GNB3: variants seen among roughly 807,000 people sequenced by gnomAD.
GNB3 encodes the protein G protein subunit beta 3, also known as guanine nucleotide-binding protein G(I)/G(S)/G(T) subunit beta-3.
Under a neutral mutation model 41.2 loss-of-function variants are expected in GNB3, and 33 were observed. That is an observed-to-expected ratio of 0.80 (90% confidence interval 0.61 to 1.07). The LOEUF (loss-of-function observed/expected upper bound fraction) is 1.07, where lower values mean the gene tolerates loss of function less well. Among genes scored for constraint, GNB3 ranks in the 50% least tolerant of loss-of-function variants. The pLI, the probability that GNB3 is intolerant of heterozygous loss-of-function variation, is 0.00. For synonymous variants in GNB3, 172 were observed against 173.4 expected (o/e 0.99, Z 0.06); for missense variants, 409 against 455.3 (o/e 0.90, Z 0.92).
At position 6,845,805 on chromosome 12, in the gene GNB3, A is replaced by G. The variant is rs1943683292; in HGVS notation, c.916+3A>G. The G allele has an allele frequency of 6.2e-7, 1 of 1,606,970 alleles. No homozygotes were observed. Among genetic ancestry groups the G allele is most frequent in the Admixed American group, 1.7e-5 (1 of 59,980 alleles). On this transcript the variant is annotated splice_donor_region_variant and intron_variant, in intron 9 of 9. Transcript: ENST00000229264. ...CTCCATGAAGTCTGAGCGTGTGGGT[A>G]AGGGCCAGCCCTGGCTGCTGCTTCC...
rs782671645 is a variant in GNB3, at chr12:6,847,136, T to C, written c.*238T>C. On this transcript the variant is annotated 3_prime_UTR_variant, in exon 10 of 10. Coordinates refer to ENST00000229264, the MANE Select transcript of GNB3 (RefSeq NM_002075.4). ...CCCTCCCCACAGTCCTCACAGCCTC[T>C]CCCTTAATGAGCAAGGACAACCTGC... 20 of 494,406 alleles carry C rather than the reference T, an allele frequency of 4.0e-5. No individual in the cohort carries two copies. Among genetic ancestry groups the C allele is most frequent in the African/African-American group, 3.8e-4 (20 of 52,124 alleles). The allele number at this position is 494,406 out of a possible 1,614,324, so 30.6% of individuals were successfully genotyped here.
chr12:6,841,583 C>A lies in GNB3; in HGVS notation c.58-3C>A. On this transcript the variant is annotated splice_region_variant and splice_polypyrimidine_tract_variant and intron_variant, in intron 2 of 9. Coordinates refer to ENST00000229264, the MANE Select transcript of GNB3 (RefSeq NM_002075.4). ...GCTCCCCTGATGTCTGCTTTCCCTGCAGGATGCCAGGAAAGCCTGTGCTGA... is the reference window on the plus strand; with the variant it reads ...GCTCCCCTGATGTCTGCTTTCCCTGAAGGATGCCAGGAAAGCCTGTGCTGA... The A allele has an allele frequency of 6.2e-7, 1 of 1,613,116 alleles. No homozygotes were observed. Among genetic ancestry groups the A allele is most frequent in the Non-Finnish European group, 8.5e-7 (1 of 1,179,258 alleles).
intron 2 of GNB3, 83 bp from the exon 3 acceptor site, chr12:6,841,503 C>A: frequency 7.7e-7 from 1 of 1,300,590 alleles, no homozygotes; most frequent in South Asian, 1.3e-5. Flanking sequence ...GCCCCAGAGC[C>A]CCAAGACCAA....
chr12:6,846,591 A>ATCCC (rs1172844301), intron 9 of GNB3: 1 of 483,386 alleles, frequency 2.1e-6, no homozygotes, highest in Non-Finnish European at 3.7e-6. Flanking sequence ...CGAGTCTAGG[A>ATCCC]TCCCTGCATG....
intron 8 of GNB3, chr12:6,844,860 C>A (rs1776434234): frequency 6.6e-6 from 1 of 152,222 alleles, no homozygotes; most frequent in Non-Finnish European, 1.5e-5. Flanking sequence ...TGTTTCTTTA[C>A]CCCTTAAGTA....
At chr12:6,844,903 C>G (rs1555124225) in intron 8 of GNB3, 1 of 152,210 alleles carries the variant, frequency 6.6e-6, no homozygotes, top group African/African-American at 2.4e-5. Context: ...GTAGCATAAT[C>G]ACTGTATGAT....
At chr12:6,841,662 G>T (rs782693345) in intron 3 of GNB3, 38 bp downstream of exon 3, 1 of 1,517,282 alleles carries the variant, frequency 6.6e-7, no homozygotes. Flanking sequence ...GGGCATGGGG[G>T]GAGGGGAAGG....
Position 6,841,197 on chromosome 12 carries a change from C to T in GNB3, c.-30-61C>T, listed in dbSNP as rs189513536. The T allele has an allele frequency of 1.7e-3, 1,872 of 1,089,674 alleles. 5 individuals are homozygous for T. Among genetic ancestry groups the T allele is most frequent in the Non-Finnish European group, 2.1e-3 (1,555 of 725,918 alleles). The allele number at this position is 1,089,674 out of a possible 1,614,324, so 67.5% of individuals were successfully genotyped here. A position where few individuals can be genotyped will look rare whatever the true frequency, so the allele number is the denominator to read the frequency against. ...TGTGTCTTGGAGTCTGGTGTGGGCA[C>T]GAAGGGCAGAAGCACAGCCTGGTGG... is the stretch of plus-strand genomic sequence containing the variant. On this transcript the variant is annotated intron_variant, in intron 1 of 9. Transcript: ENST00000229264.
At chr12:6,844,091 G>GTCTTTTTTTTTTTTTTTT (rs1432718669) in intron 8 of GNB3, 113 bp downstream of exon 8, 1 of 253,438 alleles carries the variant, frequency 3.9e-6, no homozygotes, top group Non-Finnish European at 6.5e-6. Flanking sequence ...CTTTCTTACT[G>GTCTTTTTTTTTTTTTTTT]TATTTTTTTT....
intron 3 of GNB3, among the ~76,000 whole-genome samples, chr12:6,842,607 C>G (rs1054922327): frequency 6.6e-6 from 1 of 152,128 alleles, no homozygotes; most frequent in Non-Finnish European, 1.5e-5. Context: ...AAGCAGGCTC[C>G]TCTCGGCTTG....
Position 6,843,656 on chromosome 12 carries a change from T to G in GNB3, c.455T>G (p.Leu152Arg). 1 of 1,614,194 alleles carries G rather than the reference T, an allele frequency of 6.2e-7. No homozygotes were observed. Among genetic ancestry groups the G allele is most frequent in the Middle Eastern group, 1.6e-4 (1 of 6,062 alleles). ...HTGYLSCCRF[L>R]DDNNIVTSSG... ...GGTTATCTCTCCTGCTGCCGCTTCC[T>G]GGATGACAACAATATTGTGACCAGC... Residue 152 changes from leucine (L) to arginine (R), a missense_variant, in exon 7 of 10, where the codon CTG (leucine) becomes CGG (arginine). By Grantham distance (102) the Leu-to-Arg change is moderately radical. Coordinates refer to ENST00000229264, the MANE Select transcript of GNB3 (RefSeq NM_002075.4). This position sits in a 1 kb window ranked among gnomAD's most constrained non-coding sequence, Gnocchi z 5.9.
At chr12:6,844,848 C>T (rs1022109138) in intron 8 of GNB3, 41 of 152,238 alleles carry the variant, frequency 2.7e-4, no homozygotes, top group African/African-American at 9.9e-4. Flanking sequence ...TTGCAGACAT[C>T]ATGTTTCTTT....
At position 6,845,812 on chromosome 12, in the gene GNB3, A is replaced by G; in HGVS notation, c.916+10A>G. On this transcript the variant is annotated intron_variant, in intron 9 of 9. Transcript: ENST00000229264. ...AAGTCTGAGCGTGTGGGTAAGGGCC[A>G]GCCCTGGCTGCTGCTTCCTCAGCTG... The G allele has an allele frequency of 6.3e-7, 1 of 1,595,178 alleles. No individual in the cohort carries two copies. Among genetic ancestry groups the G allele is most frequent in the Non-Finnish European group, 8.6e-7 (1 of 1,163,014 alleles).
chr12:6,844,049 C>T (rs782459109), intron 8 of GNB3, 71 bp downstream of exon 8: 2 of 948,044 alleles, frequency 2.1e-6, no homozygotes, highest in African/African-American at 1.6e-5. Flanking sequence ...ATACAATACA[C>T]ATCCTCTGCC....
rs781880802 is a variant in GNB3 at position 6,843,480 on chromosome 12, C to T, written c.385C>T (p.Arg129Cys). 24 of 1,614,000 alleles carry T rather than the reference C, an allele frequency of 1.5e-5. No homozygotes were observed. Among genetic ancestry groups the T allele is most frequent in the Non-Finnish European group, 1.9e-5 (23 of 1,179,968 alleles). Residue 129 changes from arginine to cysteine, a missense_variant, in exon 6 of 10, where the codon CGT (arginine) becomes TGT (cysteine). Coordinates refer to ENST00000229264, the MANE Select transcript of GNB3 (RefSeq NM_002075.4). This position sits in a 1 kb window ranked among gnomAD's most constrained non-coding sequence, Gnocchi z 5.9. ...NMCSIYNLKS[R>C]EGNVKVSREL... ...GTGTTCCATCTACAACCTCAAATCC[C>T]GTGAGGGCAATGTCAAGGTCAGCCG...
chr12:6,846,700 C>CT, intron 9 of GNB3, 92 bp from the exon 10 acceptor site: 2 of 675,100 alleles, frequency 3.0e-6, no homozygotes. Context: ...CACACACACA[C>CT]CCACACACCC....
At position 6,843,223 on chromosome 12, in the gene GNB3, T is replaced by C. The variant is rs1555123786; in HGVS notation, c.253T>C (p.Tyr85His). 5 of 1,613,880 alleles carry C rather than the reference T, an allele frequency of 3.1e-6. No individual in the cohort carries two copies. The highest frequency in any genetic ancestry group is 4.2e-6 in the Non-Finnish European group (5 of 1,179,826). Residue 85 changes from tyrosine (Y) to histidine (H), a missense_variant, in exon 5 of 10, where the codon TAC becomes CAC. Transcript: ENST00000229264. This position sits in a 1 kb window ranked among gnomAD's most constrained non-coding sequence, Gnocchi z 5.9. ...TGGGAAGCTGATCGTGTGGGACAGC[T>C]ACACCACCAACAAGGTACCAGCCCT... ...QDGKLIVWDS[Y>H]TTNKVHAIPL...
Position 6,843,917 on chromosome 12 carries a change from T to A in GNB3, c.638T>A (p.Val213Glu). The change falls in exon 8 of 10, where the codon GTG becomes GAG. Residue 213 changes from valine to glutamate, a missense_variant. Transcript: ENST00000229264. This position sits in a 1 kb window ranked among gnomAD's most constrained non-coding sequence, Gnocchi z 5.9. The part of the protein sequence containing the change: ...ACDASAKLWD[V>E]REGTCRQTFT... ...GATGCCAGTGCCAAGCTCTGGGATG[T>A]GCGAGAGGGGACCTGCCGTCAGACT... 1 of 1,613,984 alleles carries A rather than the reference T, an allele frequency of 6.2e-7. No individual in the cohort carries two copies. The highest frequency in any genetic ancestry group is 8.5e-7 in the Non-Finnish European group (1 of 1,179,984).
In GNB3 at chr12:6,841,357, C is replaced by T. The variant is rs781821917; in HGVS notation, c.57+13C>T. Reference sequence around the variant, plus strand: ...GAAGCAGATTGCAGTAACTCCAGAGCCCTACCCCTGGGGCCCCAGAAAACA... The same window carrying T: ...GAAGCAGATTGCAGTAACTCCAGAGTCCTACCCCTGGGGCCCCAGAAAACA... On this transcript the variant is annotated intron_variant, in intron 2 of 9. Coordinates refer to ENST00000229264, the MANE Select transcript of GNB3 (RefSeq NM_002075.4). 6 of 1,610,746 alleles carry T rather than the reference C, an allele frequency of 3.7e-6. No homozygotes were observed. In the South Asian group the frequency reaches 6.6e-5, roughly 18 times the overall value.
Sources: gnomAD v4.1 joint callset for allele counts (sites outside exome capture counted in the v4.1 genomes callset) on GRCh38, gnomAD v4.1.1 for gene constraint, Gnocchi (gnomAD v3.1) non-coding constraint, MANE v1.5 for transcripts, NCBI Gene and HGNC (gene_info 2026-07-23, HGNC 2026-07-21) for gene names.